SYBU: variants seen among roughly 807,000 people sequenced by gnomAD.
SYBU encodes syntabulin, also known as GOLSYN A protein.
SYBU carries 21 observed loss-of-function variants against 35.9 expected under a neutral mutation model. That is an observed-to-expected ratio of 0.58 (90% CI 0.41 to 0.84). The LOEUF (loss-of-function observed/expected upper bound fraction) is 0.84. Among genes scored for constraint, SYBU ranks in the 40% least tolerant of loss-of-function variants. SYBU has a pLI of 0.00. For missense variants in SYBU, 768 were observed against 848.2 expected (o/e 0.91, Z 1.17); for synonymous variants, 319 against 324.3 (o/e 0.98, Z 0.18).
chr8:109,643,261 T>G, intron 1 of SYBU: 2 of 885,130 alleles, frequency 2.3e-6, no homozygotes, highest in Non-Finnish European at 2.8e-6. Flanking sequence ...TTCTATCACA[T>G]TCAAGCTTCT....
At chr8:109,664,812 G>A (rs1056332576) in intron 1 of SYBU, among the ~76,000 whole-genome samples, 3 of 152,128 alleles carry the variant, frequency 2.0e-5, no homozygotes, top group Non-Finnish European at 4.4e-5. Flanking sequence ...TGCTAGGGAA[G>A]TAGAAGGTTG....
At chr8:109,586,210 G>A in intron 3 of SYBU, 48 bp from the exon 4 acceptor site, 1 of 1,393,650 alleles carries the variant, frequency 7.2e-7, no homozygotes, top group Non-Finnish European at 1.0e-6. Flanking sequence ...GGAAACTAGA[G>A]AACACATTGG....
chr8:109,592,942 G>T (rs1385988820), intron 3 of SYBU, among the ~76,000 whole-genome samples: 1 of 152,156 alleles, frequency 6.6e-6, no homozygotes, highest in African/African-American at 2.4e-5. Flanking sequence ...CTGTGAAAAT[G>T]AATTGAGTTA....
intron 1 of SYBU, among the ~76,000 whole-genome samples, chr8:109,650,141 G>A (rs1816061538): frequency 6.6e-6 from 1 of 152,156 alleles, no homozygotes; most frequent in Non-Finnish European, 1.5e-5. Context: ...CAGACACAGA[G>A]CAGATACACA....
intron 3 of SYBU, among the ~76,000 whole-genome samples, chr8:109,597,641 G>A (rs1825042990): frequency 1.3e-5 from 2 of 152,098 alleles, no homozygotes; most frequent in African/African-American, 4.8e-5. Flanking sequence ...TTGAGCCCCG[G>A]AGGTTGAGGC....
At chr8:109,603,685 C>T (rs1025598741) in intron 3 of SYBU, among the ~76,000 whole-genome samples, 82 of 152,238 alleles carry the variant, frequency 5.4e-4, no homozygotes, top group African/African-American at 1.9e-3. Context: ...AGAGTGTTTG[C>T]ATGGCAGTAA....
intron 3 of SYBU, among the ~76,000 whole-genome samples, chr8:109,610,940 C>T (rs1212639524): frequency 6.6e-6 from 1 of 152,182 alleles, no homozygotes; most frequent in African/African-American, 2.4e-5. Context: ...TTTATCGAAT[C>T]CCCTTAATCA....
rs146289982 is a variant in SYBU at position 109,627,643 on chromosome 8, C to A, written c.230-8604G>T. On this transcript the variant is annotated intron_variant, in intron 2 of 6. Coordinates refer to ENST00000276646, the MANE Select transcript of SYBU (RefSeq NM_001099754.2). Reference sequence around the variant, plus strand: ...CTGACAAACTGCCTGTTTTACTCACCACCATAAGCTAGCTGTTTTCTAAAA... The same window carrying A: ...CTGACAAACTGCCTGTTTTACTCACAACCATAAGCTAGCTGTTTTCTAAAA... Among the ~76,000 whole-genome samples, 1,232 of 152,244 alleles carry A rather than the reference C, an allele frequency of 8.1e-3. 9 individuals carry two copies. Among genetic ancestry groups the A allele is most frequent in the African/African-American group, 0.028 (1,175 of 41,530 alleles).
At chr8:109,597,516 G>C (rs943064368) in intron 3 of SYBU, among the ~76,000 whole-genome samples, 10 of 151,778 alleles carry the variant, frequency 6.6e-5, no homozygotes, top group African/African-American at 2.4e-4. Flanking sequence ...CCAGGGGTTC[G>C]AGACCAGCCT....
chr8:109,689,745 C>A (rs1464427848), intron 1 of SYBU, among the ~76,000 whole-genome samples: 1 of 151,784 alleles, frequency 6.6e-6, no homozygotes, highest in Non-Finnish European at 1.5e-5. Flanking sequence ...ATTCTTCTCA[C>A]CCTCATCCCA....
intron 1 of SYBU, among the ~76,000 whole-genome samples, chr8:109,651,448 CTTTTT>C (rs535652540): frequency 1.7e-3 from 111 of 64,470 alleles, no homozygotes; most frequent in Middle Eastern, 0.01. Flanking sequence ...GAAATTGAGA[CTTTTT>C]TTTTTTTTTT....
intron 1 of SYBU, among the ~76,000 whole-genome samples, chr8:109,690,111 C>T (rs947075255): frequency 2.6e-5 from 4 of 152,084 alleles, no homozygotes; most frequent in South Asian, 2.1e-4. Flanking sequence ...AATTGAAGAG[C>T]GTATTTTAAA....
intron 3 of SYBU, among the ~76,000 whole-genome samples, chr8:109,591,945 TGAG>T (rs1292092690): frequency 6.6e-6 from 1 of 151,982 alleles, no homozygotes; most frequent in African/African-American, 2.4e-5. Flanking sequence ...TGTGGTGCCT[TGAG>T]GAATGAATTT....
chr8:109,603,607 A>G (rs1017640283), intron 3 of SYBU, among the ~76,000 whole-genome samples: 1 of 152,174 alleles, frequency 6.6e-6, no homozygotes, highest in Non-Finnish European at 1.5e-5. Flanking sequence ...AAAAACCAAA[A>G]TAAAATGGAA....
At chr8:109,611,126 T>C (rs368328921) in intron 3 of SYBU, among the ~76,000 whole-genome samples, 1 of 152,324 alleles carries the variant, frequency 6.6e-6, no homozygotes, top group East Asian at 1.9e-4. Context: ...ATACGTTGAA[T>C]GGTGGGTATC....
Position 109,658,296 on chromosome 8 carries a change from T to C in SYBU, c.-129+22415A>G, listed in dbSNP as rs887546702. On this transcript the variant is annotated intron_variant, in intron 1 of 5. Coordinates refer to the SYBU transcript ENST00000408889. ...TAATATATATAAAGGAGGAAATATA[T>C]AAAGGAGGGTTTTGCCTGTCCTATT... Among the ~76,000 whole-genome samples, 5 of 152,170 alleles carry C rather than the reference T, an allele frequency of 3.3e-5. No homozygotes were observed. The South Asian group carries it at 1.0e-3, about 32-fold the overall frequency.
In SYBU at chr8:109,578,089, G is replaced by T. The variant is rs1822565126; in HGVS notation, c.735-72C>A. On this transcript the variant is annotated intron_variant, in intron 5 of 6. Coordinates refer to ENST00000276646, the MANE Select transcript of SYBU (RefSeq NM_001099754.2). The stretch of plus-strand genomic sequence containing the variant: ...TCTATAAAAAGAAGAGTAACACAGA[G>T]TGTTATCAACTGAATGTCTGTGTCC... The T allele has an allele frequency of 2.7e-6, 4 of 1,492,526 alleles. No individual in the cohort carries two copies. The East Asian group carries it at 9.2e-5, about 34-fold the overall frequency. 92.5% of individuals were successfully genotyped at this position (1,492,526 alleles called of 1,614,324 possible).
At chr8:109,607,741 T>C (rs1244818667) in intron 3 of SYBU, among the ~76,000 whole-genome samples, 1 of 151,180 alleles carries the variant, frequency 6.6e-6, no homozygotes, top group Non-Finnish European at 1.5e-5. Flanking sequence ...AGACCATGCA[T>C]TCAGAGTATC....
intron 1 of SYBU, among the ~76,000 whole-genome samples, chr8:109,654,304 T>G (rs1008652337): frequency 6.6e-6 from 1 of 152,196 alleles, no homozygotes; most frequent in Non-Finnish European, 1.5e-5. Flanking sequence ...CAAATAGCTC[T>G]TGCTCAAAGT....
Sources: allele counts gnomAD v4.1 joint callset (sites outside exome capture counted in the v4.1 genomes callset), GRCh38; gene constraint gnomAD v4.1.1; transcripts MANE v1.5; gene names NCBI Gene and HGNC (gene_info 2026-07-23, HGNC 2026-07-21).